The following GRIA1 variants were observed in gnomAD, a reference collection of about 807,000 sequenced individuals.
GRIA1 encodes glutamate receptor 1.
GRIA1 carries 31 observed loss-of-function variants against 99.2 expected under a neutral mutation model. The ratio of observed to expected loss-of-function variants is 0.31; its 90% CI spans 0.23 to 0.42. The LOEUF (loss-of-function observed/expected upper bound fraction) is 0.42. Among genes scored for constraint, GRIA1 ranks in the 10% least tolerant of loss-of-function variants. GRIA1 has a pLI of 1.00. For synonymous variants in GRIA1, 438 were observed against 432.4 expected (o/e 1.01, Z -0.16); for missense variants, 782 against 1,157.5 (o/e 0.68, Z 4.71).
chr5:153,496,929 A>G (rs1186792700), intron 2 of GRIA1, among the ~76,000 whole-genome samples: 1 of 150,924 alleles, frequency 6.6e-6, no homozygotes, highest in East Asian at 1.9e-4. Flanking sequence ...TTCCCTTTGC[A>G]TTTTGCTATT....
At chr5:153,643,287 G>A (rs985154131) in intron 2 of GRIA1, among the ~76,000 whole-genome samples, 1 of 152,164 alleles carries the variant, frequency 6.6e-6, no homozygotes, top group Non-Finnish European at 1.5e-5. Flanking sequence ...TTCACAGATG[G>A]GAAAGCTGAG....
At chr5:153,780,337 G>A (rs181459002) in intron 13 of GRIA1, among the ~76,000 whole-genome samples, 32 of 152,260 alleles carry the variant, frequency 2.1e-4, no homozygotes, top group Admixed American at 5.9e-4. Flanking sequence ...TCTGCCTCCC[G>A]CATTTACGAC....
intron 12 of GRIA1, among the ~76,000 whole-genome samples, chr5:153,765,163 GT>G (rs2149609320): frequency 6.6e-6 from 1 of 152,256 alleles, no homozygotes; most frequent in South Asian, 2.1e-4. Flanking sequence ...GGTGAGATGT[GT>G]TTTGGCAGAA....
At chr5:153,523,148 C>A (rs1176880379) in intron 2 of GRIA1, among the ~76,000 whole-genome samples, 3 of 151,888 alleles carry the variant, frequency 2.0e-5, no homozygotes, top group African/African-American at 7.3e-5. Context: ...GTTCAGAGTC[C>A]TAAGCAAGAT....
chr5:153,798,303 G>C (rs78446565), intron 14 of GRIA1, among the ~76,000 whole-genome samples: 1 of 152,116 alleles, frequency 6.6e-6, no homozygotes, highest in Non-Finnish European at 1.5e-5. Flanking sequence ...TCAGGGAAAC[G>C]GTCCTTAAGC....
intron 2 of GRIA1, among the ~76,000 whole-genome samples, chr5:153,535,453 G>C (rs1221735808): frequency 6.6e-6 from 1 of 152,112 alleles, no homozygotes; most frequent in Admixed American, 6.5e-5. Context: ...GCAACCTCCT[G>C]GCACATATGA....
At chr5:153,606,307 A>G (rs1190547353) in intron 2 of GRIA1, among the ~76,000 whole-genome samples, 1 of 152,112 alleles carries the variant, frequency 6.6e-6, no homozygotes, top group Non-Finnish European at 1.5e-5. Context: ...TTTCTCAGGT[A>G]CTTAGATTTA....
chr5:153,719,954 G>A (rs1052259069), intron 11 of GRIA1, among the ~76,000 whole-genome samples: 2 of 152,170 alleles, frequency 1.3e-5, no homozygotes, highest in African/African-American at 4.8e-5. Context: ...CCAAGTAGAG[G>A]ACTATATGGC....
At chr5:153,732,736 G>T (rs1761127763) in intron 11 of GRIA1, among the ~76,000 whole-genome samples, 1 of 151,906 alleles carries the variant, frequency 6.6e-6, no homozygotes, top group Non-Finnish European at 1.5e-5. Flanking sequence ...ATGTAGACTT[G>T]CTTGTTAATT....
At chr5:153,556,344 C>G (rs1215284434) in intron 2 of GRIA1, among the ~76,000 whole-genome samples, 3 of 152,162 alleles carry the variant, frequency 2.0e-5, no homozygotes, top group Non-Finnish European at 4.4e-5. Context: ...TCGCTCTTCC[C>G]TGCAGCCGAC....
intron 11 of GRIA1, among the ~76,000 whole-genome samples, chr5:153,723,452 C>T (rs1257424615): frequency 1.3e-5 from 2 of 152,230 alleles, no homozygotes; most frequent in East Asian, 1.9e-4. Flanking sequence ...TTGCCTCACT[C>T]GGGAAACGCA....
At chr5:153,586,753 C>T (rs989160981) in intron 2 of GRIA1, among the ~76,000 whole-genome samples, 4 of 152,038 alleles carry the variant, frequency 2.6e-5, no homozygotes, top group Non-Finnish European at 4.4e-5. Context: ...TTGCTTCCCA[C>T]CTGGAAAAAC....
intron 2 of GRIA1, among the ~76,000 whole-genome samples, chr5:153,605,845 C>G (rs1765392148): frequency 6.6e-6 from 1 of 152,112 alleles, no homozygotes; most frequent in African/African-American, 2.4e-5. Flanking sequence ...TAAATGTGAG[C>G]CTTCAGTCAA....
intron 11 of GRIA1, among the ~76,000 whole-genome samples, chr5:153,744,654 G>A (rs980638071): frequency 6.6e-6 from 1 of 152,130 alleles, no homozygotes; most frequent in African/African-American, 2.4e-5. Context: ...ATCCTTTAAT[G>A]ATTTAATAAT....
intron 2 of GRIA1, among the ~76,000 whole-genome samples, chr5:153,637,326 A>G (rs1753437673): frequency 6.6e-6 from 1 of 152,202 alleles, no homozygotes; most frequent in South Asian, 2.1e-4. Flanking sequence ...ACACTTTAAA[A>G]TGGAGTTGTT....
intron 11 of GRIA1, among the ~76,000 whole-genome samples, chr5:153,708,476 T>C (rs1209404275): frequency 6.6e-6 from 1 of 152,114 alleles, no homozygotes; most frequent in Admixed American, 6.5e-5. Flanking sequence ...TCCTCCCTGA[T>C]TTTCATAAAA....
intron 13 of GRIA1, among the ~76,000 whole-genome samples, chr5:153,777,739 T>C (rs2149631139): frequency 6.6e-6 from 1 of 152,266 alleles, no homozygotes; most frequent in South Asian, 2.1e-4. Context: ...GAGAACAATT[T>C]GTGGTCCTCC....
Position 153,677,095 on chromosome 5 carries a change from G to A in GRIA1, c.963G>A (p.Gly321=), listed in dbSNP as rs866330059. 1.3e-6 allele frequency: 2 copies of A among 1,584,590 alleles called. No individual in the cohort carries two copies. Among genetic ancestry groups the A allele is most frequent in the East Asian group, 2.3e-5 (1 of 43,150 alleles). Residue 321 remains glycine (G), a synonymous_variant, in exon 7 of 16, where the codon GGG becomes GGA. Transcript: ENST00000285900. ...ATATATCTCGCCGGGGGAATGCTGG[G>A]GATTGTCTGGCTAACCCAGCTGTTC... The part of the protein sequence containing the change: ...RIDISRRGNA[G]DCLANPAVPW...
intron 5 of GRIA1, among the ~76,000 whole-genome samples, chr5:153,670,503 G>T (rs867840236): frequency 6.6e-6 from 1 of 152,000 alleles, no homozygotes; most frequent in Non-Finnish European, 1.5e-5. Flanking sequence ...TTGGGAACAT[G>T]TTGTAAATAG....
Sources: allele counts gnomAD v4.1 joint callset (sites outside exome capture counted in the v4.1 genomes callset), GRCh38; gene constraint gnomAD v4.1.1; transcripts MANE v1.5; gene names NCBI Gene and HGNC (gene_info 2026-07-23, HGNC 2026-07-21).